The following IQSEC3 variants were observed in gnomAD, a reference collection of about 807,000 sequenced individuals.
IQSEC3 encodes the protein IQ motif and Sec7 domain ArfGEF 3.
A neutral mutation model predicts 105.4 loss-of-function variants in IQSEC3; 50 were observed. The ratio of observed to expected loss-of-function variants is 0.47; its 90% CI spans 0.38 to 0.60. IQSEC3 has a LOEUF of 0.60. IQSEC3 is among the 20% of genes least tolerant of loss of function. The pLI, the probability that IQSEC3 is intolerant of heterozygous loss-of-function variation, is 0.00. For synonymous variants in IQSEC3, 708 were observed against 746.0 expected (o/e 0.95, Z 0.83); for missense variants, 1,415 against 1,630.0 (o/e 0.87, Z 2.27).
intron 1 of IQSEC3, among the ~76,000 whole-genome samples, chr12:88,932 G>A (rs1206588380): frequency 6.6e-6 from 1 of 152,150 alleles, no homozygotes; most frequent in Non-Finnish European, 1.5e-5. Context: ...CATTTGTGCA[G>A]GGTTTATTAT....
intron 2 of IQSEC3, among the ~76,000 whole-genome samples, chr12:102,149 A>C (rs1401406729): frequency 1.3e-4 from 4 of 31,350 alleles, no homozygotes; most frequent in Admixed American, 8.9e-4. Context: ...CTCCTCCCCC[A>C]TCAGTCTGGC....
intron 11 of IQSEC3, among the ~76,000 whole-genome samples, chr12:167,931 G>A (rs1591755512): frequency 1.3e-5 from 2 of 152,338 alleles, no homozygotes; most frequent in East Asian, 3.9e-4. Flanking sequence ...CCAAAGCCAA[G>A]AGAGCCCCTC....
intron 12 of IQSEC3, among the ~76,000 whole-genome samples, chr12:170,024 C>T (rs1350062256): frequency 2.0e-5 from 3 of 152,238 alleles, no homozygotes; most frequent in African/African-American, 7.2e-5. Context: ...GCCCTGAGTC[C>T]TGACTTGGAA....
intron 1 of IQSEC3, among the ~76,000 whole-genome samples, chr12:87,648 G>C (rs1863959100): frequency 6.6e-6 from 1 of 152,146 alleles, no homozygotes; most frequent in African/African-American, 2.4e-5. Flanking sequence ...GAGTTGTAGG[G>C]AATAATCATG....
At chr12:129,334 G>A (rs1301907805) in intron 3 of IQSEC3, among the ~76,000 whole-genome samples, 2 of 152,204 alleles carry the variant, frequency 1.3e-5, no homozygotes, top group Admixed American at 6.5e-5. Flanking sequence ...CACAGTCTTG[G>A]GCACCTAGGA....
Position 67,047 on chromosome 12 carries a change from G to C in IQSEC3, c.165G>C (p.Glu55Asp), listed in dbSNP as rs1555065576. 10 of 1,531,824 alleles carry C rather than the reference G, an allele frequency of 6.5e-6. No homozygotes were observed. Among genetic ancestry groups the C allele is most frequent in the Non-Finnish European group, 7.9e-6 (9 of 1,145,454 alleles). 94.9% of individuals were successfully genotyped at this position (1,531,824 alleles called of 1,614,324 possible). The change falls in exon 1 of 14, where the codon GAG (glutamate) becomes GAC (aspartate). Residue 55 changes from glutamate (E) to aspartate (D), a missense_variant. By Grantham distance (45) the Glu-to-Asp change is conservative. Transcript: ENST00000538872. ...GCGCTGAGAACCGCAGCCTGTGGGA[G>C]CACCAGCAGCTGCTGCAAGCCCAGC... Reference protein sequence around the residue: ...ELSAENRSLWEHQQLLQAQPP... With the variant: ...ELSAENRSLWDHQQLLQAQPP...
At chr12:85,060 G>A (rs1863873673) in intron 1 of IQSEC3, among the ~76,000 whole-genome samples, 1 of 152,222 alleles carries the variant, frequency 6.6e-6, no homozygotes, top group Admixed American at 6.5e-5. Context: ...ATTATCATTA[G>A]TATCATATTT....
At chr12:162,220 C>CT (rs11307485) in intron 8 of IQSEC3, among the ~76,000 whole-genome samples, 155 bp downstream of exon 8, 30 of 150,348 alleles carry the variant, frequency 2.0e-4, no homozygotes, top group African/African-American at 2.2e-4. Flanking sequence ...CACTGCATCT[C>CT]TTTTTTTTTT....
At chr12:100,576 C>T (rs1555075938) in intron 2 of IQSEC3, among the ~76,000 whole-genome samples, 1 of 152,106 alleles carries the variant, frequency 6.6e-6, no homozygotes, top group African/African-American at 2.4e-5. Flanking sequence ...AGGCCACACA[C>T]CCAAGAGGCC....
chr12:127,649 A>G (rs1026165256), intron 3 of IQSEC3, among the ~76,000 whole-genome samples: 3 of 152,114 alleles, frequency 2.0e-5, no homozygotes, highest in Non-Finnish European at 4.4e-5. Flanking sequence ...CAGCACTAGC[A>G]TAAGACATTC....
At chr12:155,513 C>T (rs1419544656) in intron 5 of IQSEC3, among the ~76,000 whole-genome samples, 6 of 152,338 alleles carry the variant, frequency 3.9e-5, no homozygotes, top group Admixed American at 2.6e-4. Flanking sequence ...ATGCACTTTT[C>T]TCCTTGTTCT....
At position 163,517 on chromosome 12, in the gene IQSEC3, C is replaced by T; in HGVS notation, c.2607C>T (p.Arg869=). 1 of 1,610,716 alleles carries T rather than the reference C, an allele frequency of 6.2e-7. No individual in the cohort carries two copies. The highest frequency in any genetic ancestry group is 1.1e-5 in the South Asian group (1 of 90,956). The part of the protein sequence containing the change: ...MKTVLSVPHR[R]LVCCSRLFEV... ...AGGTGCTGTCCGTGCCCCACCGCCG[C>T]CTGGTGTGCTGCAGCCGGCTCTTCG... Residue 869 remains arginine (R), a synonymous_variant, in exon 9 of 14, where the codon CGC becomes CGT. Coordinates refer to ENST00000538872, the MANE Select transcript of IQSEC3 (RefSeq NM_001170738.2).
At chr12:147,635 T>G (rs1555091416) in intron 5 of IQSEC3, 1 of 152,134 alleles carries the variant, frequency 6.6e-6, no homozygotes, top group African/African-American at 2.4e-5. Flanking sequence ...CCTTAGACAA[T>G]CAGCTGGTCC....
chr12:118,757 G>A (rs144789734), intron 2 of IQSEC3, among the ~76,000 whole-genome samples: 13 of 152,306 alleles, frequency 8.5e-5, no homozygotes, highest in East Asian at 5.8e-4. Context: ...GGAGAGTGCC[G>A]GGCCTCGGTC....
In IQSEC3 at chr12:154,962, C is replaced by T. The variant is rs538127967; in HGVS notation, c.2154-2063C>T. ...CCCACACGCTCTGACCCCCTTGCTG[C>T]GTGACCATGCTGGTTCACCTCCTCC... is the stretch of plus-strand genomic sequence containing the variant. On this transcript the variant is annotated intron_variant, in intron 5 of 13. Transcript: ENST00000538872. Among the ~76,000 whole-genome samples the T allele has an allele frequency of 1.2e-3, 188 of 152,256 alleles. 1 individual carries two copies. The highest frequency in any genetic ancestry group is 6.8e-3 in the South Asian group (33 of 4,822).
chr12:76,492 A>G (rs1436614007), intron 1 of IQSEC3, among the ~76,000 whole-genome samples: 1 of 152,268 alleles, frequency 6.6e-6, no homozygotes, highest in Non-Finnish European at 1.5e-5. Context: ...GCTTTATCTC[A>G]GTATCTCCCA....
intron 5 of IQSEC3, among the ~76,000 whole-genome samples, chr12:156,090 A>G (rs1254824229): frequency 6.6e-6 from 1 of 152,192 alleles, no homozygotes; most frequent in Non-Finnish European, 1.5e-5. Flanking sequence ...CCTGCAGTGC[A>G]GAGTCCCCTG....
intron 1 of IQSEC3, among the ~76,000 whole-genome samples, chr12:89,123 T>C (rs1555072778): frequency 6.6e-6 from 1 of 152,158 alleles, no homozygotes; most frequent in Non-Finnish European, 1.5e-5. Flanking sequence ...TCAAACCTTC[T>C]AGGGACTCTC....
chr12:177,565 CA>C lies in IQSEC3; in HGVS notation c.*2533del, dbSNP rs1217361818. The C allele has an allele frequency of 6.6e-6, 1 of 152,398 alleles. No homozygotes were observed. Among genetic ancestry groups the C allele is most frequent in the East Asian group, 1.9e-4 (1 of 5,192 alleles). The allele number at this position is 152,398 out of a possible 1,614,324, so 9.4% of individuals were successfully genotyped here. A position where few individuals can be genotyped will look rare whatever the true frequency, so the allele number is the denominator to read the frequency against. ...CAGCACAGGGAGTCTGTCCAGGAAGCAGCCCAGCCGGGGTCAGTATTCCGTG... is the reference window on the plus strand; with the variant it reads ...CAGCACAGGGAGTCTGTCCAGGAAGCGCCCAGCCGGGGTCAGTATTCCGTG... On this transcript the variant is annotated 3_prime_UTR_variant, in exon 14 of 14. Transcript: ENST00000538872. This position sits in a 1 kb window ranked among gnomAD's most constrained non-coding sequence, Gnocchi z 5.3.
Sources: allele counts gnomAD v4.1 joint callset (sites outside exome capture counted in the v4.1 genomes callset), GRCh38; gene constraint gnomAD v4.1.1; non-coding constraint Gnocchi (gnomAD v3.1); transcripts MANE v1.5; gene names NCBI Gene and HGNC (gene_info 2026-07-23, HGNC 2026-07-21).